The following ROCK1 variants were observed in gnomAD, a reference collection of about 807,000 sequenced individuals.
The protein encoded by ROCK1 is Rho associated coiled-coil containing protein kinase 1.
A neutral mutation model predicts 196.8 loss-of-function variants in ROCK1; 36 were observed. That is an observed-to-expected ratio of 0.18 (90% CI 0.14 to 0.24). The LOEUF is 0.24. Among genes scored for constraint, ROCK1 ranks in the 10% least tolerant of loss-of-function variants. ROCK1 has a pLI of 1.00. For synonymous variants in ROCK1, 443 were observed against 515.9 expected (o/e 0.86, Z 1.91); for missense variants, 920 against 1,562.0 (o/e 0.59, Z 6.93).
intron 22 of ROCK1, among the ~76,000 whole-genome samples, chr18:20,977,814 G>A (rs2035494309): frequency 6.6e-6 from 1 of 152,054 alleles, no homozygotes; most frequent in Non-Finnish European, 1.5e-5. Context: ...CATACACCTG[G>A]GATTGCATAT....
At chr18:20,953,883 A>G (rs1215857606) in intron 31 of ROCK1, 98 bp from the exon 32 acceptor site, 1 of 575,282 alleles carries the variant, frequency 1.7e-6, no homozygotes, top group Non-Finnish European at 3.0e-6. Context: ...TAAGGTTTTA[A>G]AAGTTTTAAT....
At chr18:20,951,659 TAC>T (rs1162854065) in intron 32 of ROCK1, among the ~76,000 whole-genome samples, 1 of 152,208 alleles carries the variant, frequency 6.6e-6, no homozygotes, top group Non-Finnish European at 1.5e-5. Context: ...CATAGCATTC[TAC>T]AGAATTAAGT....
intron 1 of ROCK1, among the ~76,000 whole-genome samples, chr18:21,105,791 G>T (rs924034402): frequency 2.6e-5 from 4 of 152,120 alleles, no homozygotes; most frequent in African/African-American, 9.7e-5. Flanking sequence ...TGAAACAAAA[G>T]ACTAAAAATA....
chr18:21,083,230 A>T (rs2036497028), intron 1 of ROCK1, among the ~76,000 whole-genome samples: 1 of 152,148 alleles, frequency 6.6e-6, no homozygotes, highest in Middle Eastern at 3.4e-3. Flanking sequence ...TGGAAAAAAT[A>T]TTTTTTTTAA....
At chr18:21,042,524 G>T in intron 7 of ROCK1, 41 bp downstream of exon 7, 1 of 1,584,260 alleles carries the variant, frequency 6.3e-7, no homozygotes, top group South Asian at 1.2e-5. Flanking sequence ...GTTTTGAGAT[G>T]AACAACTGTA....
Position 20,950,889 on chromosome 18 carries a change from A to T in ROCK1, c.*495T>A, listed in dbSNP as rs1428957460. On this transcript the variant is annotated 3_prime_UTR_variant, in exon 33 of 33. Coordinates refer to ENST00000399799, the MANE Select transcript of ROCK1 (RefSeq NM_005406.3). Reference sequence around the variant, plus strand: ...AGTGATATCACTGCTTTCTTAAAATAGTTTTGTATAGTCTTGCAAGAGCAC... The same window carrying T: ...AGTGATATCACTGCTTTCTTAAAATTGTTTTGTATAGTCTTGCAAGAGCAC... 1 of 152,486 alleles carries T rather than the reference A, an allele frequency of 6.6e-6. No individual in the cohort carries two copies. Among genetic ancestry groups the T allele is most frequent in the African/African-American group, 2.4e-5 (1 of 41,372 alleles). The allele number at this position is 152,486 out of a possible 1,614,324, so 9.4% of individuals were successfully genotyped here. A position where few individuals can be genotyped will look rare whatever the true frequency, so the allele number is the denominator to read the frequency against.
chr18:20,954,867 G>A lies in ROCK1; in HGVS notation c.3769C>T (p.Pro1257Ser), dbSNP rs1411987132. The change falls in exon 31 of 33, where the codon CCT becomes TCT. Residue 1257 changes from proline (P) to serine (S), a missense_variant. Physicochemically the swap from Pro to Ser is moderately conservative, Grantham distance 74. Around this residue, in one of 6 missense-constraint regions of ROCK1, gnomAD observed 49 missense variants for 180.4 expected, o/e 0.27. Coordinates refer to ENST00000399799, the MANE Select transcript of ROCK1 (RefSeq NM_005406.3). ...KPLWHVFKPP[P>S]ALECRRCHVK... is the part of the protein sequence containing the mutation. ...TGGCATCTTCGACACTCTAGGGCAG[G>A]GGGTGGCTTAAAAACATGCCAGAGA... is the stretch of plus-strand genomic sequence containing the variant. The A allele has an allele frequency of 6.2e-7, 1 of 1,613,958 alleles. No individual in the cohort carries two copies.
intron 1 of ROCK1, among the ~76,000 whole-genome samples, chr18:21,097,010 GA>G (rs1016099124): frequency 6.6e-6 from 1 of 152,178 alleles, no homozygotes; most frequent in Non-Finnish European, 1.5e-5. Flanking sequence ...ATTGTGTGAG[GA>G]GGACATGGGG....
At chr18:21,086,181 G>A (rs1311938181) in intron 1 of ROCK1, among the ~76,000 whole-genome samples, 2 of 150,006 alleles carry the variant, frequency 1.3e-5, no homozygotes, top group East Asian at 2.0e-4. Context: ...GCGCAATCTC[G>A]GCTCACTGCA....
intron 23 of ROCK1, 89 bp from the exon 24 acceptor site, chr18:20,969,297 G>A (rs1382692813): frequency 1.4e-6 from 1 of 712,564 alleles, no homozygotes; most frequent in African/African-American, 1.8e-5. Context: ...GCTAGATAAA[G>A]ACAGGTCAGA....
chr18:21,079,391 C>A (rs1247263626), intron 1 of ROCK1, among the ~76,000 whole-genome samples: 1 of 152,168 alleles, frequency 6.6e-6, no homozygotes, highest in African/African-American at 2.4e-5. Flanking sequence ...TAACATCCCT[C>A]CACGTGAGAT....
At chr18:21,024,597 G>GTT (rs2035941214) in intron 10 of ROCK1, among the ~76,000 whole-genome samples, 1 of 152,158 alleles carries the variant, frequency 6.6e-6, no homozygotes, top group Non-Finnish European at 1.5e-5. Context: ...GGAGGCATGT[G>GTT]TTAACACACC....
At chr18:21,010,740 AGTT>A (rs1308556728) in intron 13 of ROCK1, among the ~76,000 whole-genome samples, 6 of 152,234 alleles carry the variant, frequency 3.9e-5, no homozygotes, top group African/African-American at 1.2e-4. Flanking sequence ...CTGACAGTGT[AGTT>A]GAGTTCTCCT....
intron 5 of ROCK1, 142 bp from the exon 6 acceptor site, chr18:21,044,328 A>G (rs2036136656): frequency 4.4e-6 from 2 of 450,594 alleles, no homozygotes; most frequent in Non-Finnish European, 7.8e-6. Context: ...ATCCACATCT[A>G]TAAATTAAAT....
chr18:21,034,361 G>A (rs1199554778), intron 9 of ROCK1, among the ~76,000 whole-genome samples: 2 of 152,042 alleles, frequency 1.3e-5, no homozygotes, highest in Non-Finnish European at 1.5e-5. Flanking sequence ...GAAAAAGAAC[G>A]AAGTTGAAAG....
chr18:21,065,616 C>CT (rs1169462859), intron 2 of ROCK1, among the ~76,000 whole-genome samples: 2 of 152,138 alleles, frequency 1.3e-5, no homozygotes, highest in Non-Finnish European at 2.9e-5. Flanking sequence ...TCCCAATGTT[C>CT]TGGCTCCCAA....
At chr18:21,065,881 C>T (rs1308755970) in intron 2 of ROCK1, among the ~76,000 whole-genome samples, 1 of 151,528 alleles carries the variant, frequency 6.6e-6, no homozygotes, top group South Asian at 2.1e-4. Context: ...CACTTCTTAA[C>T]ACAAAGAGAT....
intron 1 of ROCK1, among the ~76,000 whole-genome samples, chr18:21,079,993 C>T (rs1338052526): frequency 6.6e-6 from 1 of 152,126 alleles, no homozygotes; most frequent in Non-Finnish European, 1.5e-5. Context: ...CAGGGGAGTG[C>T]ATGTTGAAGA....
At chr18:20,978,048 C>A (rs929315223) in intron 22 of ROCK1, among the ~76,000 whole-genome samples, 12 of 152,002 alleles carry the variant, frequency 7.9e-5, no homozygotes, top group Non-Finnish European at 1.8e-4. Context: ...CAATTTTGGA[C>A]CTTAAATATT....
Sources: allele counts gnomAD v4.1 joint callset (sites outside exome capture counted in the v4.1 genomes callset), GRCh38; gene constraint gnomAD v4.1.1; regional missense constraint gnomAD v4.1.1; transcripts MANE v1.5; gene names NCBI Gene and HGNC (gene_info 2026-07-23, HGNC 2026-07-21).